DGKB: variants seen among roughly 807,000 people sequenced by gnomAD.
DGKB encodes 90 kDa diacylglycerol kinase.
Under a neutral mutation model 114.3 loss-of-function variants are expected in DGKB, and 67 were observed. That is an observed-to-expected ratio of 0.59 (90% CI 0.48 to 0.72). The LOEUF is 0.72. DGKB is among the 30% of genes least tolerant of loss of function. The pLI is 0.00. For synonymous variants in DGKB, 398 were observed against 323.1 expected, an observed-to-expected ratio of 1.23 and a Z score of -2.49; for missense variants, 907 against 975.2, an observed-to-expected ratio of 0.93 and a Z score of 0.93.
At chr7:14,451,687 G>C (rs141759605) in intron 21 of DGKB, among the ~76,000 whole-genome samples, 2 of 152,102 alleles carry the variant, frequency 1.3e-5, no homozygotes, top group African/African-American at 4.8e-5. Context: ...AAAGAGGAAA[G>C]TAAAGTCAAA....
At chr7:14,840,884 C>A (rs1586844425) in intron 2 of DGKB, among the ~76,000 whole-genome samples, 1 of 152,076 alleles carries the variant, frequency 6.6e-6, no homozygotes, top group East Asian at 1.9e-4. Flanking sequence ...TACAGTATTA[C>A]CACTCTCCAT....
intron 13 of DGKB, among the ~76,000 whole-genome samples, chr7:14,639,776 T>C (rs1402014429): frequency 6.6e-6 from 1 of 152,218 alleles, no homozygotes; most frequent in African/African-American, 2.4e-5. Flanking sequence ...TGTTTTTTTC[T>C]AAAGAACTTT....
At chr7:14,371,043 A>T (rs905952156) in intron 21 of DGKB, among the ~76,000 whole-genome samples, 3 of 152,016 alleles carry the variant, frequency 2.0e-5, no homozygotes, top group Non-Finnish European at 4.4e-5. Context: ...TATATATATA[A>T]CACATTTTCT....
At chr7:14,433,058 C>A (rs1202061476) in intron 21 of DGKB, among the ~76,000 whole-genome samples, 2 of 152,132 alleles carry the variant, frequency 1.3e-5, no homozygotes, top group African/African-American at 4.8e-5. Context: ...TCATTCTTCC[C>A]AGCTGCTGTA....
At chr7:14,256,021 GTT>G (rs1353115610) in intron 23 of DGKB, among the ~76,000 whole-genome samples, 3 of 152,146 alleles carry the variant, frequency 2.0e-5, no homozygotes, top group African/African-American at 7.2e-5. Context: ...TTAAGGTAGT[GTT>G]CTCTTATGAT....
chr7:14,776,110 A>C (rs964898355), intron 2 of DGKB, among the ~76,000 whole-genome samples: 1 of 152,144 alleles, frequency 6.6e-6, no homozygotes, highest in Non-Finnish European at 1.5e-5. Context: ...CTAGCCAAAG[A>C]GACTGGCAGC....
At chr7:14,897,990 T>C (rs1285341202) in intron 1 of DGKB, among the ~76,000 whole-genome samples, 3 of 151,970 alleles carry the variant, frequency 2.0e-5, no homozygotes, top group Non-Finnish European at 4.4e-5. Context: ...ATAAATAAGG[T>C]TGAACCCCTT....
intron 13 of DGKB, among the ~76,000 whole-genome samples, chr7:14,637,579 C>A (rs1810987103): frequency 6.6e-6 from 1 of 150,830 alleles, no homozygotes; most frequent in Admixed American, 6.6e-5. Context: ...CTTGTGATTA[C>A]AACATTCAAA....
At chr7:14,896,577 G>T (rs1042956034) in intron 1 of DGKB, among the ~76,000 whole-genome samples, 3 of 151,636 alleles carry the variant, frequency 2.0e-5, no homozygotes, top group East Asian at 3.9e-4. Context: ...TTCCAAGTAA[G>T]TTGGAAATAA....
intron 2 of DGKB, among the ~76,000 whole-genome samples, chr7:14,835,670 C>T (rs1341992943): frequency 6.6e-6 from 1 of 152,154 alleles, no homozygotes; most frequent in Non-Finnish European, 1.5e-5. Flanking sequence ...ATTGACTACA[C>T]ACCTGTGAGG....
intron 23 of DGKB, among the ~76,000 whole-genome samples, chr7:14,208,640 C>T (rs190851699): frequency 2.6e-5 from 4 of 152,064 alleles, no homozygotes; most frequent in Admixed American, 1.3e-4. Context: ...TAATTCAAAA[C>T]GAGAATAGTT....
At chr7:14,652,224 G>T (rs1393805574) in intron 13 of DGKB, among the ~76,000 whole-genome samples, 2 of 151,620 alleles carry the variant, frequency 1.3e-5, no homozygotes, top group Non-Finnish European at 2.9e-5. Flanking sequence ...AAAGCTGGAG[G>T]CATCACACTA....
At chr7:14,773,134 G>A (rs1837661213) in intron 2 of DGKB, among the ~76,000 whole-genome samples, 1 of 152,100 alleles carries the variant, frequency 6.6e-6, no homozygotes, top group Non-Finnish European at 1.5e-5. Flanking sequence ...CAGCATCATT[G>A]TATATAGAAT....
At chr7:14,452,311 G>C (rs1831647128) in intron 21 of DGKB, among the ~76,000 whole-genome samples, 1 of 151,904 alleles carries the variant, frequency 6.6e-6, no homozygotes, top group South Asian at 2.1e-4. Flanking sequence ...AAAACAACCA[G>C]GGTAATTACC....
chr7:14,918,738 A>G (rs769932670), intron 1 of DGKB, among the ~76,000 whole-genome samples: 9 of 152,074 alleles, frequency 5.9e-5, no homozygotes, highest in Non-Finnish European at 1.3e-4. Flanking sequence ...AAATTTCAGC[A>G]AGTTATTTTC....
At chr7:14,867,776 G>A (rs528998110) in intron 1 of DGKB, among the ~76,000 whole-genome samples, 5 of 152,124 alleles carry the variant, frequency 3.3e-5, no homozygotes, top group South Asian at 4.2e-4. Context: ...GCCGAGCAGC[G>A]AAAATACGGT....
At chr7:14,658,623 A>T (rs1285912572) in intron 13 of DGKB, among the ~76,000 whole-genome samples, 1 of 151,882 alleles carries the variant, frequency 6.6e-6, no homozygotes, top group Non-Finnish European at 1.5e-5. Context: ...TACCCTAAAT[A>T]CCCTGACCTG....
intron 1 of DGKB, among the ~76,000 whole-genome samples, chr7:14,851,278 G>T (rs985263499): frequency 6.6e-6 from 1 of 152,080 alleles, no homozygotes; most frequent in Non-Finnish European, 1.5e-5. Flanking sequence ...ATGCAAAAGA[G>T]GAAAATATAG....
At chr7:14,502,745 A>G (rs1786399857) in intron 20 of DGKB, among the ~76,000 whole-genome samples, 1 of 152,092 alleles carries the variant, frequency 6.6e-6, no homozygotes, top group Non-Finnish European at 1.5e-5. Flanking sequence ...AATATGATGT[A>G]ATCTATATAA....
Sources: allele counts gnomAD v4.1 joint callset (sites outside exome capture counted in the v4.1 genomes callset), GRCh38; gene constraint gnomAD v4.1.1; transcripts MANE v1.5; gene names NCBI Gene and HGNC (gene_info 2026-07-23, HGNC 2026-07-21).